Variants in CTNNA2 observed in about 807,000 individuals in gnomAD.
CTNNA2 encodes the protein catenin alpha-2.
Under a neutral mutation model 101.0 loss-of-function variants are expected in CTNNA2, and 42 were observed. The ratio of observed to expected loss-of-function variants is 0.42; its 90% CI spans 0.32 to 0.54. The LOEUF (loss-of-function observed/expected upper bound fraction) is 0.54, where lower values mean the gene tolerates loss of function less well. Ranked by LOEUF, CTNNA2 falls within the 20% of genes least tolerant of loss-of-function variation. CTNNA2 has a pLI of 0.14. For synonymous variants in CTNNA2, 450 were observed against 456.4 expected (o/e 0.99, Z 0.18); for missense variants, 871 against 1,223.1 (o/e 0.71, Z 4.29).
intron 2 of CTNNA2, among the ~76,000 whole-genome samples, chr2:79,249,128 C>T (rs1167202170): frequency 6.6e-6 from 1 of 152,136 alleles, no homozygotes; most frequent in African/African-American, 2.4e-5. Context: ...GCTTCTATAT[C>T]TGTAAAATGG....
chr2:80,412,736 T>C (rs2149396536), intron 8 of CTNNA2, among the ~76,000 whole-genome samples: 1 of 152,172 alleles, frequency 6.6e-6, no homozygotes, highest in South Asian at 2.1e-4. Context: ...CTGGGTTCTG[T>C]TGCTCTTAAT....
intron 7 of CTNNA2, among the ~76,000 whole-genome samples, chr2:80,093,007 TA>T (rs1259257004): frequency 1.3e-5 from 2 of 152,190 alleles, no homozygotes; most frequent in African/African-American, 2.4e-5. Context: ...TCTTTTTTTT[TA>T]AATTTTATTA....
At chr2:80,520,127 A>C (rs1689418334) in intron 9 of CTNNA2, among the ~76,000 whole-genome samples, 1 of 152,082 alleles carries the variant, frequency 6.6e-6, no homozygotes. Context: ...ATTTCAGCTG[A>C]GTCACTTTCC....
At chr2:80,084,806 G>T (rs943293461) in intron 7 of CTNNA2, among the ~76,000 whole-genome samples, 58 of 152,000 alleles carry the variant, frequency 3.8e-4, no homozygotes, top group African/African-American at 1.2e-3. Context: ...CTTATATTTT[G>T]CCTCCGCCTG....
In CTNNA2 at chr2:79,202,379, G is replaced by T. The variant is rs560604428; in HGVS notation, c.-406+4303G>T. On this transcript the variant is annotated intron_variant, in intron 2 of 21. Transcript: ENST00000466387. ...TTTTTTTGAGACAGGGTCTCACTCT[G>T]TCACCCAGGCTGAACTGAAGTGGTG... Among the ~76,000 whole-genome samples, 3 of 150,344 alleles carry T rather than the reference G, an allele frequency of 2.0e-5. No individual in the cohort carries two copies. The South Asian group carries it at 6.3e-4, about 31-fold the overall frequency.
chr2:79,409,925 A>G (rs1229342014), intron 4 of CTNNA2, among the ~76,000 whole-genome samples: 6 of 152,038 alleles, frequency 3.9e-5, no homozygotes, highest in African/African-American at 9.7e-5. Flanking sequence ...GATTCTTCCT[A>G]CCCATGAGCA....
Position 80,399,486 on chromosome 2 carries a change from T to C in CTNNA2, c.1137+6195T>C, listed in dbSNP as rs78513827. ...TCACACAAAGGAGCAAAGAGTCTAG[T>C]AGCTTGATCAACATTGTTTCATCAA... On this transcript the variant is annotated intron_variant, in intron 8 of 18. Coordinates refer to ENST00000402739, the MANE Select transcript of CTNNA2 (RefSeq NM_001282597.3). Among the ~76,000 whole-genome samples the C allele has an allele frequency of 7.0e-3, 1,061 of 152,300 alleles. 6 individuals carry two copies. Among genetic ancestry groups the C allele is most frequent in the Middle Eastern group, 0.014 (4 of 294 alleles).
At chr2:80,546,751 C>A (rs1269318388) in intron 11 of CTNNA2, among the ~76,000 whole-genome samples, 3 of 152,232 alleles carry the variant, frequency 2.0e-5, no homozygotes, top group Admixed American at 6.5e-5. Context: ...CAAGATTTGT[C>A]TACCAGCCAG....
chr2:80,005,041 C>G (rs1419514785), intron 7 of CTNNA2, among the ~76,000 whole-genome samples: 1 of 152,084 alleles, frequency 6.6e-6, no homozygotes. Flanking sequence ...AAACTCTGCT[C>G]TTTATTAAAA....
chr2:80,039,993 A>T (rs137945097), intron 7 of CTNNA2, among the ~76,000 whole-genome samples: 2 of 152,356 alleles, frequency 1.3e-5, no homozygotes, highest in African/African-American at 4.8e-5. Context: ...AGATATGAAC[A>T]ATCAAATTAA....
chr2:80,375,505 TTA>T (rs1675857602), intron 7 of CTNNA2, among the ~76,000 whole-genome samples: 1 of 151,936 alleles, frequency 6.6e-6, no homozygotes, highest in Non-Finnish European at 1.5e-5. Context: ...CAAGTCAGAC[TTA>T]TAGCTGGTTT....
intron 7 of CTNNA2, among the ~76,000 whole-genome samples, chr2:79,974,066 C>T (rs1690671459): frequency 6.6e-6 from 1 of 152,114 alleles, no homozygotes; most frequent in Non-Finnish European, 1.5e-5. Context: ...AGAGCCTTCC[C>T]TTTGTCGCCA....
intron 7 of CTNNA2, among the ~76,000 whole-genome samples, chr2:79,941,855 G>A (rs1688188720): frequency 6.6e-6 from 1 of 152,110 alleles, no homozygotes; most frequent in South Asian, 2.1e-4. Context: ...CTGACCTCAA[G>A]TGATCTCCTT....
chr2:79,698,798 G>A (rs1396179166), intron 2 of CTNNA2, among the ~76,000 whole-genome samples: 1 of 151,940 alleles, frequency 6.6e-6, no homozygotes, highest in African/African-American at 2.4e-5. Context: ...CCACACTTTG[G>A]CCCTGATAAA....
At chr2:79,322,570 T>A (rs1012335268) in intron 3 of CTNNA2, among the ~76,000 whole-genome samples, 1 of 152,178 alleles carries the variant, frequency 6.6e-6, no homozygotes, top group Admixed American at 6.5e-5. Flanking sequence ...TGCTGGTTGA[T>A]CTGACTAGTA....
intron 6 of CTNNA2, among the ~76,000 whole-genome samples, chr2:79,878,886 G>C (rs1290459994): frequency 6.6e-6 from 1 of 152,130 alleles, no homozygotes; most frequent in African/African-American, 2.4e-5. Context: ...TCATCATGAA[G>C]TCTTTGCCCA....
At chr2:79,968,043 G>T (rs1195314377) in intron 7 of CTNNA2, among the ~76,000 whole-genome samples, 1 of 152,134 alleles carries the variant, frequency 6.6e-6, no homozygotes, top group Non-Finnish European at 1.5e-5. Context: ...GTTATCATGG[G>T]CTGAGGAAAG....
intron 3 of CTNNA2, among the ~76,000 whole-genome samples, chr2:79,755,457 A>G (rs1413658284): frequency 6.6e-6 from 1 of 152,198 alleles, no homozygotes; most frequent in Non-Finnish European, 1.5e-5. Flanking sequence ...ATGGTGCTCC[A>G]CTATGGCCAT....
intron 4 of CTNNA2, among the ~76,000 whole-genome samples, chr2:79,465,582 A>G (rs1670925094): frequency 6.6e-6 from 1 of 152,142 alleles, no homozygotes; most frequent in African/African-American, 2.4e-5. Context: ...CAGTATGGCC[A>G]TTTTCATGAT....
Sources: gnomAD v4.1 joint callset for allele counts (sites outside exome capture counted in the v4.1 genomes callset) on GRCh38, gnomAD v4.1.1 for gene constraint, MANE v1.5 for transcripts, NCBI Gene and HGNC (gene_info 2026-07-23, HGNC 2026-07-21) for gene names.